The following SMARCA2 variants were observed in gnomAD, a reference collection of about 807,000 sequenced individuals.
SMARCA2 encodes the protein SWI/SNF related BAF chromatin remodeling complex subunit ATPase 2, also known as SWI/SNF-related matrix-associated actin-dependent regulator of chromatin subfamily A member 2.
A neutral mutation model predicts 199.8 loss-of-function variants in SMARCA2; 61 were observed. That is an observed-to-expected ratio of 0.31 (90% CI 0.25 to 0.38). SMARCA2 has a LOEUF of 0.38. SMARCA2 is among the 10% of genes least tolerant of loss of function. The pLI is 1.00. For synonymous variants in SMARCA2, 935 were observed against 732.0 expected (o/e 1.28, Z -4.48); for missense variants, 1,344 against 2,012.2 (o/e 0.67, Z 6.35).
In SMARCA2 at chr9:2,039,964, C is replaced by T; in HGVS notation, c.790+64C>T. The T allele has an allele frequency of 6.3e-7, 1 of 1,587,532 alleles. No individual in the cohort carries two copies. The highest frequency in any genetic ancestry group is 8.6e-7 in the Non-Finnish European group (1 of 1,167,812). ...CAACTCGGATAACAAAGACTGCTCA[C>T]CAAAACACCGGGTTGTTAAAAGCCC... On this transcript the variant is annotated intron_variant, in intron 4 of 33. Coordinates refer to ENST00000349721, the MANE Select transcript of SMARCA2 (RefSeq NM_003070.5). This position sits in a 1 kb window ranked among gnomAD's most constrained non-coding sequence, Gnocchi z 4.8.
intron 29 of SMARCA2, among the ~76,000 whole-genome samples, chr9:2,177,341 G>T (rs1374585660): frequency 1.3e-5 from 2 of 152,132 alleles, no homozygotes; most frequent in South Asian, 4.1e-4. Context: ...ATTGAAGTAA[G>T]ATAGTCACAT....
chr9:2,152,117 T>C (rs1825110068), intron 27 of SMARCA2, among the ~76,000 whole-genome samples: 1 of 152,178 alleles, frequency 6.6e-6, no homozygotes, highest in African/African-American at 2.4e-5. Context: ...TGTTAAATAG[T>C]CTGATGACAC....
chr9:2,159,079 T>C (rs772550108), intron 27 of SMARCA2: 55 of 1,443,104 alleles, frequency 3.8e-5, no homozygotes, highest in Admixed American at 1.3e-4. Context: ...TTGTTCTGTT[T>C]GCAATTTAAT....
At chr9:2,085,198 A>C (rs1821747798) in intron 17 of SMARCA2, among the ~76,000 whole-genome samples, 1 of 152,204 alleles carries the variant, frequency 6.6e-6, no homozygotes, top group South Asian at 2.1e-4. Context: ...CCACCTCCTC[A>C]CACTCAGAGA....
At chr9:2,118,483 C>G (rs1284111370) in intron 25 of SMARCA2, among the ~76,000 whole-genome samples, 1 of 152,134 alleles carries the variant, frequency 6.6e-6, no homozygotes, top group African/African-American at 2.4e-5. Flanking sequence ...CAAGTTGCCT[C>G]TTTTTGAATA....
At chr9:2,088,032 C>T (rs535118542) in intron 18 of SMARCA2, among the ~76,000 whole-genome samples, 10 of 152,220 alleles carry the variant, frequency 6.6e-5, no homozygotes, top group Non-Finnish European at 1.5e-4. Flanking sequence ...TGGATCAACT[C>T]TTGTTCCTCT....
rs571924233 is a variant in SMARCA2, at chr9:2,064,913, G to A, written c.1692+3927G>A. On this transcript the variant is annotated intron_variant, in intron 9 of 33. Coordinates refer to ENST00000349721, the MANE Select transcript of SMARCA2 (RefSeq NM_003070.5). Reference sequence around the variant, plus strand: ...AAAAGTTTAGCCATCAGCTGGGTGCGGCGGCTCACGCCTGTAATCCCAGCA... The same window carrying A: ...AAAAGTTTAGCCATCAGCTGGGTGCAGCGGCTCACGCCTGTAATCCCAGCA... Among the ~76,000 whole-genome samples the A allele has an allele frequency of 2.1e-3, 325 of 152,328 alleles. 1 individual carries two copies. Among genetic ancestry groups the A allele is most frequent in the Middle Eastern group, 6.8e-3 (2 of 294 alleles).
chr9:2,182,309 A>C (rs958110936), intron 31 of SMARCA2, 67 bp downstream of exon 31: 2 of 955,388 alleles, frequency 2.1e-6, no homozygotes, highest in East Asian at 2.4e-5. Context: ...TTTAAGTAGA[A>C]TATTTCATTT....
chr9:2,105,873 A>C (rs1238559913), intron 23 of SMARCA2, among the ~76,000 whole-genome samples: 1 of 152,130 alleles, frequency 6.6e-6, no homozygotes, highest in African/African-American at 2.4e-5. Flanking sequence ...TTTCATTTCC[A>C]ATCTCAGGTC....
intron 27 of SMARCA2, among the ~76,000 whole-genome samples, chr9:2,139,882 T>A (rs1824382816): frequency 6.6e-6 from 1 of 152,190 alleles, no homozygotes; most frequent in Non-Finnish European, 1.5e-5. Flanking sequence ...TTTCATTAGT[T>A]TTACAAAGGT....
chr9:2,180,149 G>A (rs1547635), intron 29 of SMARCA2, among the ~76,000 whole-genome samples: 39,353 of 151,976 alleles, frequency 0.26, 7,779 homozygotes, highest in African/African-American at 0.55. Context: ...CAGTGATCCA[G>A]AAATCCAATT....
At chr9:2,176,128 G>A (rs1350690115) in intron 29 of SMARCA2, among the ~76,000 whole-genome samples, 2 of 148,872 alleles carry the variant, frequency 1.3e-5, no homozygotes, top group African/African-American at 2.5e-5. Context: ...TGATCCACCT[G>A]CCTCGGCCTC....
intron 23 of SMARCA2, among the ~76,000 whole-genome samples, chr9:2,109,358 G>C (rs964166370): frequency 4.0e-5 from 6 of 151,574 alleles, no homozygotes; most frequent in Non-Finnish European, 8.8e-5. Context: ...CTTCCACAAT[G>C]CATTTCATGA....
intron 27 of SMARCA2, among the ~76,000 whole-genome samples, chr9:2,139,809 A>G (rs890305563): frequency 1.3e-5 from 2 of 152,166 alleles, no homozygotes; most frequent in Non-Finnish European, 2.9e-5. Context: ...ATACCTGGTT[A>G]TTGTTTCACT....
rs750032441 is a variant in SMARCA2, at chr9:2,039,944, C to T, written c.790+44C>T. Reference sequence around the variant, plus strand: ...AAATGAATAATGCCATGGTCCAACTCGGATAACAAAGACTGCTCACCAAAA... The same window carrying T: ...AAATGAATAATGCCATGGTCCAACTTGGATAACAAAGACTGCTCACCAAAA... On this transcript the variant is annotated intron_variant, in intron 4 of 33. Transcript: ENST00000349721. The surrounding 1 kb of genome is among the most constrained non-coding windows in gnomAD (Gnocchi z 4.8). The T allele has an allele frequency of 7.5e-6, 12 of 1,601,502 alleles. No individual in the cohort carries two copies. Among genetic ancestry groups the T allele is most frequent in the African/African-American group, 5.4e-5 (4 of 74,750 alleles).
rs576496087 is a variant in SMARCA2 at position 2,165,075 on chromosome 9, C to T, written c.4199+3172C>T. Among the ~76,000 whole-genome samples, 3 of 152,296 alleles carry T rather than the reference C, an allele frequency of 2.0e-5. No individual in the cohort carries two copies. The East Asian group carries it at 5.8e-4, about 29-fold the overall frequency. On this transcript the variant is annotated intron_variant, in intron 28 of 33. Coordinates refer to ENST00000349721, the MANE Select transcript of SMARCA2 (RefSeq NM_003070.5). ...AAATGCTGCTGGGAGATGTACATTT[C>T]ACTGTGTTGAGATTTTTGCACCATT...
At chr9:2,139,096 TG>T (rs1203476413) in intron 27 of SMARCA2, among the ~76,000 whole-genome samples, 1 of 152,176 alleles carries the variant, frequency 6.6e-6, no homozygotes, top group Non-Finnish European at 1.5e-5. Context: ...GACACCAACA[TG>T]GTGGAGTCAG....
chr9:2,152,259 A>T (rs1825116083), intron 27 of SMARCA2, among the ~76,000 whole-genome samples: 2 of 152,214 alleles, frequency 1.3e-5, no homozygotes, highest in African/African-American at 4.8e-5. Context: ...TCAAGAACTT[A>T]AGTGAAGAAA....
chr9:2,021,920 G>C (rs1818618080), intron 1 of SMARCA2: 1 of 149,366 alleles, frequency 6.7e-6, no homozygotes, highest in Non-Finnish European at 1.5e-5. Context: ...CAGAGGTGGG[G>C]GTGGTGGCAT....
Sources: allele counts gnomAD v4.1 joint callset (sites outside exome capture counted in the v4.1 genomes callset), GRCh38; gene constraint gnomAD v4.1.1; non-coding constraint Gnocchi (gnomAD v3.1); transcripts MANE v1.5; gene names NCBI Gene and HGNC (gene_info 2026-07-23, HGNC 2026-07-21).